PAPPA: variants seen among roughly 807,000 people sequenced by gnomAD.
PAPPA encodes pappalysin-1.
PAPPA carries 60 observed loss-of-function variants against 164.0 expected under a neutral mutation model. The ratio of observed to expected loss-of-function variants is 0.37; its 90% confidence interval spans 0.30 to 0.45. The LOEUF is 0.45. PAPPA is among the 20% of genes least tolerant of loss of function. The pLI is 1.00. For synonymous variants in PAPPA, 875 were observed against 814.1 expected (o/e 1.07, Z -1.27); for missense variants, 1,782 against 2,087.3 (o/e 0.85, Z 2.85).
At chr9:116,363,673 T>A (rs1040831279) in intron 18 of PAPPA, among the ~76,000 whole-genome samples, 13 of 152,154 alleles carry the variant, frequency 8.5e-5, no homozygotes, top group African/African-American at 3.1e-4. Context: ...CCAATATGAT[T>A]TATAGAGCAA....
At position 116,352,701 on chromosome 9, in the gene PAPPA, T is replaced by C; in HGVS notation, c.3965-5T>C. 6.2e-7 allele frequency: 1 copy of C among 1,611,172 alleles called. No homozygotes were observed. Among genetic ancestry groups the C allele is most frequent in the Non-Finnish European group, 8.5e-7 (1 of 1,178,860 alleles). On this transcript the variant is annotated splice_region_variant and splice_polypyrimidine_tract_variant and intron_variant, in intron 15 of 21. Coordinates refer to ENST00000328252, the MANE Select transcript of PAPPA (RefSeq NM_002581.5). ...CCTCTAACCCTGCTTGCCTATGTCT[T>C]CCAGGCAACAACAGCCTCCTGACCT...
At chr9:116,165,400 C>A (rs1260329612) in intron 1 of PAPPA, among the ~76,000 whole-genome samples, 1 of 152,218 alleles carries the variant, frequency 6.6e-6, no homozygotes, top group African/African-American at 2.4e-5. Flanking sequence ...TGGTTGGTGT[C>A]ACCCACTCTA....
chr9:116,384,962 T>G (rs1252699409), intron 21 of PAPPA, among the ~76,000 whole-genome samples: 1 of 152,166 alleles, frequency 6.6e-6, no homozygotes, highest in Non-Finnish European at 1.5e-5. Flanking sequence ...ATGAAGCTGA[T>G]TTTTTGACAG....
chr9:116,377,738 C>A, intron 20 of PAPPA, 91 bp downstream of exon 20: 1 of 938,750 alleles, frequency 1.1e-6, no homozygotes, highest in South Asian at 1.4e-5. Flanking sequence ...TATCCTTTGC[C>A]ATACCTACTG....
intron 13 of PAPPA, among the ~76,000 whole-genome samples, chr9:116,343,314 C>T (rs765973812): frequency 6.6e-6 from 1 of 152,134 alleles, no homozygotes; most frequent in Non-Finnish European, 1.5e-5. Flanking sequence ...TAAAGATTAG[C>T]CTGCAATCTG....
At chr9:116,167,292 T>G (rs934185859) in intron 1 of PAPPA, among the ~76,000 whole-genome samples, 4 of 152,226 alleles carry the variant, frequency 2.6e-5, no homozygotes, top group African/African-American at 9.7e-5. Context: ...CTTTGAATCA[T>G]TTCTTGGTTA....
chr9:116,154,737 G>C lies in PAPPA; in HGVS notation c.415+150G>C. On this transcript the variant is annotated intron_variant, in intron 1 of 21. Transcript: ENST00000328252. This position sits in a 1 kb window ranked among gnomAD's most constrained non-coding sequence, Gnocchi z 5.2. ...GAGCGGCGCAGAGACATCCGGGCGA[G>C]CTGAGAGCCTCACTTTGCTCCATCG... 1 of 980,176 alleles carries C rather than the reference G, an allele frequency of 1.0e-6. No homozygotes were observed. The highest frequency in any genetic ancestry group is 1.3e-6 in the Non-Finnish European group (1 of 757,840). The allele number at this position is 980,176 out of a possible 1,614,324, so 60.7% of individuals were successfully genotyped here.
intron 7 of PAPPA, among the ~76,000 whole-genome samples, chr9:116,236,935 G>A (rs925227563): frequency 1.3e-5 from 2 of 152,202 alleles, no homozygotes; most frequent in African/African-American, 4.8e-5. Flanking sequence ...TTAAAGATGT[G>A]ATTCCAACTT....
At chr9:116,165,019 G>A (rs1281180793) in intron 1 of PAPPA, among the ~76,000 whole-genome samples, 1 of 152,166 alleles carries the variant, frequency 6.6e-6, no homozygotes, top group African/African-American at 2.4e-5. Context: ...ACCAAGCTGG[G>A]TAAAGACGAG....
At chr9:116,233,173 G>T (rs976117000) in intron 6 of PAPPA, among the ~76,000 whole-genome samples, 1 of 152,184 alleles carries the variant, frequency 6.6e-6, no homozygotes, top group Non-Finnish European at 1.5e-5. Context: ...CTATGGACTA[G>T]GCACACTGTA....
chr9:116,207,411 C>T (rs75941565), intron 2 of PAPPA, 45 bp from the exon 3 acceptor site: 8 of 923,572 alleles, frequency 8.7e-6, no homozygotes, highest in South Asian at 2.0e-5. Flanking sequence ...GGCCTGTTAT[C>T]TTTTTGGGGG....
intron 10 of PAPPA, among the ~76,000 whole-genome samples, chr9:116,303,706 T>A (rs1365361782): frequency 1.3e-5 from 2 of 152,194 alleles, no homozygotes; most frequent in African/African-American, 4.8e-5. Flanking sequence ...GAGACCAGCC[T>A]GCCTCCTGGC....
chr9:116,199,554 C>T (rs539735822), intron 2 of PAPPA, among the ~76,000 whole-genome samples: 1 of 152,254 alleles, frequency 6.6e-6, no homozygotes, highest in African/African-American at 2.4e-5. Flanking sequence ...TCAGAAATCT[C>T]CCTGGAAAAT....
At chr9:116,373,722 A>G (rs990428913) in intron 19 of PAPPA, 3 of 152,166 alleles carry the variant, frequency 2.0e-5, no homozygotes, top group African/African-American at 7.2e-5. Flanking sequence ...AAGCTATTTT[A>G]TACTTACAGC....
chr9:116,257,391 C>T (rs1017736470), intron 7 of PAPPA, among the ~76,000 whole-genome samples: 4 of 151,906 alleles, frequency 2.6e-5, no homozygotes, highest in Non-Finnish European at 4.4e-5. Flanking sequence ...TCCTACCTAG[C>T]GCAGCTGGAC....
chr9:116,322,722 T>C (rs1845874255), intron 10 of PAPPA, among the ~76,000 whole-genome samples: 1 of 152,154 alleles, frequency 6.6e-6, no homozygotes, highest in Admixed American at 6.5e-5. Context: ...GCATTGGAAC[T>C]GCAAGCCTGA....
chr9:116,223,220 T>C (rs1323091265), intron 5 of PAPPA, among the ~76,000 whole-genome samples: 5 of 152,206 alleles, frequency 3.3e-5, no homozygotes, highest in Non-Finnish European at 7.3e-5. Flanking sequence ...GTGTGACACT[T>C]CAGAGGTTTC....
chr9:116,260,862 A>T (rs1307277819), intron 7 of PAPPA, among the ~76,000 whole-genome samples: 1 of 152,242 alleles, frequency 6.6e-6, no homozygotes, highest in Admixed American at 6.5e-5. Flanking sequence ...TTTGGAAGTC[A>T]TGAAACACAA....
At chr9:116,181,192 A>T (rs1002733379) in intron 1 of PAPPA, among the ~76,000 whole-genome samples, 5 of 152,336 alleles carry the variant, frequency 3.3e-5, no homozygotes, top group Non-Finnish European at 2.9e-5. Context: ...TTGTTGAATG[A>T]TGGTTTGCTA....
Sources: gnomAD v4.1 joint callset for allele counts (sites outside exome capture counted in the v4.1 genomes callset) on GRCh38, gnomAD v4.1.1 for gene constraint, Gnocchi (gnomAD v3.1) non-coding constraint, MANE v1.5 for transcripts, NCBI Gene and HGNC (gene_info 2026-07-23, HGNC 2026-07-21) for gene names.